Variants in PARN observed in about 807,000 individuals in gnomAD.
PARN encodes the protein poly(A)-specific ribonuclease PARN.
PARN carries 71 observed loss-of-function variants against 102.8 expected under a neutral mutation model. That is an observed-to-expected ratio of 0.69 (90% CI 0.57 to 0.84). The LOEUF (loss-of-function observed/expected upper bound fraction) is 0.84, where lower values mean the gene tolerates loss of function less well. PARN is among the 40% of genes least tolerant of loss of function. The pLI, the probability that PARN is intolerant of heterozygous loss-of-function variation, is 0.00. For missense variants in PARN, 782 were observed against 760.9 expected, an observed-to-expected ratio of 1.03 and a Z score of -0.33; for synonymous variants, 261 against 252.9, an observed-to-expected ratio of 1.03 and a Z score of -0.30.
At chr16:14,616,056 T>C (rs1439117574) in intron 6 of PARN, among the ~76,000 whole-genome samples, 1 of 152,178 alleles carries the variant, frequency 6.6e-6, no homozygotes, top group Non-Finnish European at 1.5e-5. Flanking sequence ...CCCTCTTTCA[T>C]TCATTAATTC....
At chr16:14,602,519 G>C (rs1179874157) in intron 11 of PARN, among the ~76,000 whole-genome samples, 1 of 152,096 alleles carries the variant, frequency 6.6e-6, no homozygotes, top group Non-Finnish European at 1.5e-5. Flanking sequence ...AACCAGAATG[G>C]AACATCTTTT....
At chr16:14,626,044 G>A (rs920298127) in intron 5 of PARN, among the ~76,000 whole-genome samples, 1 of 152,198 alleles carries the variant, frequency 6.6e-6, no homozygotes, top group Non-Finnish European at 1.5e-5. Flanking sequence ...GGAATATCCT[G>A]AAGGAGAACC....
chr16:14,621,254 G>A (rs1260506570), intron 5 of PARN, among the ~76,000 whole-genome samples: 1 of 152,086 alleles, frequency 6.6e-6, no homozygotes, highest in African/African-American at 2.4e-5. Context: ...TTCCATCTCT[G>A]ACAAAGGCAC....
At chr16:14,567,728 G>C (rs1968515991) in intron 18 of PARN, among the ~76,000 whole-genome samples, 1 of 152,318 alleles carries the variant, frequency 6.6e-6, no homozygotes, top group East Asian at 1.9e-4. Context: ...AAAGGGATGA[G>C]AAGGGATGTG....
At chr16:14,592,153 T>C (rs1567424420) in intron 13 of PARN, 1 of 151,840 alleles carries the variant, frequency 6.6e-6, no homozygotes, top group Non-Finnish European at 1.5e-5. Context: ...AAAAACAGGG[T>C]TGGTAACTGG....
At chr16:14,490,201 C>A (rs1196008543) in intron 21 of PARN, among the ~76,000 whole-genome samples, 1 of 152,086 alleles carries the variant, frequency 6.6e-6, no homozygotes, top group Non-Finnish European at 1.5e-5. Context: ...AGAAAGAGAA[C>A]TATTTATTGG....
intron 21 of PARN, among the ~76,000 whole-genome samples, chr16:14,549,528 G>A (rs1036225481): frequency 5.9e-5 from 9 of 152,136 alleles, no homozygotes; most frequent in African/African-American, 2.2e-4. Context: ...AAAATACTTA[G>A]CTTAAAAGCT....
intron 17 of PARN, 125 bp downstream of exon 17, chr16:14,582,056 G>C: frequency 1.4e-6 from 1 of 727,304 alleles, no homozygotes; most frequent in Admixed American, 2.1e-5. Flanking sequence ...CTGAACATGA[G>C]AAATAAATGT....
chr16:14,550,910 T>C (rs1423424199), intron 21 of PARN, among the ~76,000 whole-genome samples: 1 of 152,056 alleles, frequency 6.6e-6, no homozygotes, highest in Non-Finnish European at 1.5e-5. Flanking sequence ...TATCAAAATA[T>C]CAAAATTATT....
At chr16:14,521,998 G>A (rs1164252333) in intron 21 of PARN, among the ~76,000 whole-genome samples, 1 of 152,158 alleles carries the variant, frequency 6.6e-6, no homozygotes, top group African/African-American at 2.4e-5. Context: ...AGAAGCAACA[G>A]GCTACTCCTT....
intron 13 of PARN, 49 bp downstream of exon 13, chr16:14,593,252 G>A (rs1970304372): frequency 1.0e-6 from 1 of 991,830 alleles, no homozygotes; most frequent in Non-Finnish European, 1.6e-6. Flanking sequence ...TATTTTTTCA[G>A]ATAAAAAGAA....
chr16:14,586,285 T>A (rs1238698030), intron 14 of PARN, 33 bp downstream of exon 14: 1 of 1,461,648 alleles, frequency 6.8e-7, no homozygotes, highest in Non-Finnish European at 9.4e-7. Context: ...CCAACTTTTT[T>A]AAAAGAAAGA....
At chr16:14,625,958 C>G (rs1972623147) in intron 5 of PARN, among the ~76,000 whole-genome samples, 1 of 152,180 alleles carries the variant, frequency 6.6e-6, no homozygotes. Flanking sequence ...TCCATTACAA[C>G]AGATAATCAA....
chr16:14,532,741 G>A (rs1289022882), intron 21 of PARN, among the ~76,000 whole-genome samples: 3 of 151,282 alleles, frequency 2.0e-5, no homozygotes, highest in African/African-American at 7.3e-5. Context: ...CGGGAGGGGC[G>A]GCTGGCCGGG....
chr16:14,619,716 C>T (rs1972168341), intron 5 of PARN, among the ~76,000 whole-genome samples: 2 of 151,874 alleles, frequency 1.3e-5, no homozygotes, highest in South Asian at 4.1e-4. Context: ...CTGCAGTGAG[C>T]TGTGATCACA....
intron 18 of PARN, among the ~76,000 whole-genome samples, chr16:14,569,681 A>C (rs1968668401): frequency 6.6e-6 from 1 of 152,236 alleles, no homozygotes; most frequent in Non-Finnish European, 1.5e-5. Context: ...AATAAATTAA[A>C]ATGTCAGTGA....
intron 14 of PARN, among the ~76,000 whole-genome samples, chr16:14,585,980 C>CTTTTTTTTTTTTTTTTTTTT (rs772896503): frequency 1.6e-5 from 2 of 127,240 alleles, no homozygotes; most frequent in Non-Finnish European, 3.3e-5. Flanking sequence ...CACAATGACT[C>CTTTTTTTTTTTTTTTTTTTT]TTTTTTTTTT....
chr16:14,447,651 T>C (rs1457338228), intron 22 of PARN, among the ~76,000 whole-genome samples: 1 of 152,252 alleles, frequency 6.6e-6, no homozygotes, highest in Admixed American at 6.5e-5. Flanking sequence ...GAAAGCTTTA[T>C]AGGCTTTGAC....
At chr16:14,555,085 T>C (rs1365576872) in intron 19 of PARN, among the ~76,000 whole-genome samples, 4 of 152,168 alleles carry the variant, frequency 2.6e-5, no homozygotes, top group Admixed American at 1.3e-4. Context: ...GTCCTCAAAC[T>C]ATCATTGCAA....
Sources: gnomAD v4.1 joint callset for allele counts (sites outside exome capture counted in the v4.1 genomes callset) on GRCh38, gnomAD v4.1.1 for gene constraint, MANE v1.5 for transcripts, NCBI Gene and HGNC (gene_info 2026-07-23, HGNC 2026-07-21) for gene names.